Variants in ETFDH observed in about 807,000 individuals in gnomAD.
ETFDH encodes the protein electron transfer flavoprotein dehydrogenase.
ETFDH carries 61 observed loss-of-function variants against 73.2 expected under a neutral mutation model. The observed-to-expected ratio is 0.83, with a 90% confidence interval of 0.68 to 1.03. The LOEUF (loss-of-function observed/expected upper bound fraction) is 1.03. Ranked by LOEUF, ETFDH falls within the 50% of genes least tolerant of loss-of-function variation. The pLI, the probability that ETFDH is intolerant of heterozygous loss-of-function variation, is 0.00. For missense variants in ETFDH, 685 were observed against 745.0 expected (o/e 0.92, Z 0.94); for synonymous variants, 243 against 253.3 (o/e 0.96, Z 0.39).
chr4:158,706,162 C>T (rs952984483), intron 10 of ETFDH, 27 bp from the exon 11 acceptor site: 10 of 1,525,344 alleles, frequency 6.6e-6, no homozygotes, highest in Non-Finnish European at 9.1e-6. Flanking sequence ...CAGTTTCGCA[C>T]TTAACATTTC....
rs139695862 is a variant in ETFDH at position 158,697,241 on chromosome 4, T to C, written c.832-318T>C. On this transcript the variant is annotated intron_variant, in intron 7 of 12. Coordinates refer to ENST00000511912, the MANE Select transcript of ETFDH (RefSeq NM_004453.4). ...TCCTGAGTAGCTGGGATTACAGGCATCCGCCACCATGCCTAGCTAATTTTT... is the reference window on the plus strand; with the variant it reads ...TCCTGAGTAGCTGGGATTACAGGCACCCGCCACCATGCCTAGCTAATTTTT... Among the ~76,000 whole-genome samples, 670 of 152,128 alleles carry C rather than the reference T, an allele frequency of 4.4e-3. 9 individuals are homozygous for C. Among genetic ancestry groups the C allele is most frequent in the South Asian group, 0.025 (121 of 4,810 alleles).
chr4:158,708,926 C>G lies in ETFDH; in HGVS notation c.*399C>G, dbSNP rs2126322303. ...TGGCTAATTTTGAATTACAACTGTG[C>G]AGGTGAGTGGGTGTGACATTACATG... On this transcript the variant is annotated 3_prime_UTR_variant, in exon 13 of 13. Transcript: ENST00000511912. The G allele has an allele frequency of 4.6e-6, 1 of 219,662 alleles. No individual in the cohort carries two copies. Among genetic ancestry groups the G allele is most frequent in the East Asian group, 1.3e-4 (1 of 7,858 alleles). The allele number at this position is 219,662 out of a possible 1,614,324, so 13.6% of individuals were successfully genotyped here. A position where few individuals can be genotyped will look rare whatever the true frequency, so the allele number is the denominator to read the frequency against.
intron 5 of ETFDH, 132 bp from the exon 6 acceptor site, chr4:158,690,216 C>T (rs1774127197): frequency 1.5e-6 from 1 of 652,210 alleles, no homozygotes. Context: ...ATTACCTGAA[C>T]ATTTTAAACT....
At chr4:158,673,533 C>G (rs1006105220) in intron 1 of ETFDH, among the ~76,000 whole-genome samples, 1 of 152,078 alleles carries the variant, frequency 6.6e-6, no homozygotes, top group Non-Finnish European at 1.5e-5. Context: ...ATCATTAAGT[C>G]TAAATATTCC....
At chr4:158,680,274 G>A (rs1356012469) in intron 1 of ETFDH, among the ~76,000 whole-genome samples, 193 bp from the exon 2 acceptor site, 1 of 151,854 alleles carries the variant, frequency 6.6e-6, no homozygotes, top group Non-Finnish European at 1.5e-5. Flanking sequence ...GAATAAATTT[G>A]CTTATTAGTT....
At chr4:158,706,993 C>CT (rs930402337) in intron 12 of ETFDH, 143 bp downstream of exon 12, 6 of 610,634 alleles carry the variant, frequency 9.8e-6, no homozygotes, top group Non-Finnish European at 1.5e-5. Context: ...AGGAAACATA[C>CT]TTTTAACTAC....
intron 9 of ETFDH, among the ~76,000 whole-genome samples, chr4:158,700,154 T>C (rs1232842964): frequency 6.6e-6 from 1 of 152,190 alleles, no homozygotes; most frequent in African/African-American, 2.4e-5. Flanking sequence ...TTGCCTTATC[T>C]TTAAAAGTGA....
chr4:158,695,404 A>T, intron 6 of ETFDH, 93 bp from the exon 7 acceptor site: 2 of 932,324 alleles, frequency 2.1e-6, no homozygotes, highest in Admixed American at 4.0e-5. Flanking sequence ...TGTCTCTTCT[A>T]CATCTGAATC....
intron 9 of ETFDH, among the ~76,000 whole-genome samples, chr4:158,702,619 C>T (rs2126307862): frequency 6.6e-6 from 1 of 152,262 alleles, no homozygotes; most frequent in African/African-American, 2.4e-5. Context: ...CAGGCTCATC[C>T]ATGTTGTCAC....
At position 158,676,187 on chromosome 4, in the gene ETFDH, G is replaced by A. The variant is rs145526470; in HGVS notation, c.34+3697G>A. On this transcript the variant is annotated intron_variant, in intron 1 of 12. Transcript: ENST00000511912. Reference sequence around the variant, plus strand: ...ATTTTAAGGATAATTTGATGAGTAGGGGGGTCAGAAAGTGGGGAGTGCCAA... The same window carrying A: ...ATTTTAAGGATAATTTGATGAGTAGAGGGGTCAGAAAGTGGGGAGTGCCAA... 1.5e-3 allele frequency among the ~76,000 whole-genome samples: 236 copies of A among 152,270 alleles called. 4 individuals carry two copies. The highest frequency in any genetic ancestry group is 5.2e-3 in the African/African-American group (215 of 41,558).
At chr4:158,695,362 A>G (rs1338691208) in intron 6 of ETFDH, 135 bp from the exon 7 acceptor site, 3 of 602,580 alleles carry the variant, frequency 5.0e-6, no homozygotes, top group Non-Finnish European at 5.8e-6. Context: ...TATATTTACT[A>G]TGTGATTCTT....
chr4:158,692,384 AGCGAGACACCGTCT>A (rs1774190708), intron 6 of ETFDH, among the ~76,000 whole-genome samples: 2 of 135,722 alleles, frequency 1.5e-5, no homozygotes, highest in Non-Finnish European at 3.1e-5. Flanking sequence ...TGGGCTACAG[AGCGAGACACCGTCT>A]CAAAAAAAAA....
chr4:158,700,419 TC>T (rs1366768070), intron 9 of ETFDH, among the ~76,000 whole-genome samples: 3 of 152,222 alleles, frequency 2.0e-5, no homozygotes, highest in Admixed American at 2.0e-4. Flanking sequence ...CTAACCCTAC[TC>T]TAATTTATAA....
Position 158,692,371 on chromosome 4 carries a change from G to A in ETFDH, c.684+1946G>A, listed in dbSNP as rs1187007589. On this transcript the variant is annotated intron_variant, in intron 6 of 12. Coordinates refer to ENST00000511912, the MANE Select transcript of ETFDH (RefSeq NM_004453.4). Reference sequence around the variant, plus strand: ...GCCGAGATCACACCACTGCACTCCAGCCTGGGCTACAGAGCGAGACACCGT... The same window carrying A: ...GCCGAGATCACACCACTGCACTCCAACCTGGGCTACAGAGCGAGACACCGT... Among the ~76,000 whole-genome samples, 4 of 141,618 alleles carry A rather than the reference G, an allele frequency of 2.8e-5. 1 individual carries two copies. In the Admixed American group the frequency reaches 3.0e-4, roughly 11 times the overall value. The allele number at this position is 141,618 out of a possible 152,430, so 92.9% of individuals were successfully genotyped here.
chr4:158,676,057 G>C (rs1215131060), intron 1 of ETFDH, among the ~76,000 whole-genome samples: 2 of 152,178 alleles, frequency 1.3e-5, no homozygotes, highest in Admixed American at 1.3e-4. Context: ...TATCAAAACA[G>C]GAGAATTAGA....
chr4:158,708,638 A>ATGAT lies in ETFDH; in HGVS notation c.*113_*116dup. On this transcript the variant is annotated 3_prime_UTR_variant, in exon 13 of 13. Transcript: ENST00000511912. ...TATTACTGAACAGAATAGTCACAAA[A>ATGAT]TGATTATCAAATAAAAATTTTATAC... The ATGAT allele has an allele frequency of 1.1e-6, 1 of 892,364 alleles. No homozygotes were observed. The highest frequency in any genetic ancestry group is 1.5e-5 in the South Asian group (1 of 68,794). 55.3% of individuals were successfully genotyped at this position (892,364 alleles called of 1,614,324 possible). A position where few individuals can be genotyped will look rare whatever the true frequency, so the allele number is the denominator to read the frequency against.
chr4:158,685,596 T>C (rs1476600974), intron 5 of ETFDH, among the ~76,000 whole-genome samples: 1 of 152,186 alleles, frequency 6.6e-6, no homozygotes, highest in African/African-American at 2.4e-5. Context: ...CTATCTTTAC[T>C]CTGGAATTTT....
At chr4:158,693,421 G>A (rs1308700915) in intron 6 of ETFDH, among the ~76,000 whole-genome samples, 1 of 152,136 alleles carries the variant, frequency 6.6e-6, no homozygotes, top group African/African-American at 2.4e-5. Flanking sequence ...TAAGTAGTAG[G>A]GCTGGGATTT....
rs773192368 is a variant in ETFDH at position 158,685,083 on chromosome 4, T to C, written c.488-18T>C. The stretch of plus-strand genomic sequence containing the variant: ...ATCAATAAAAAGTCAGATTTATAAA[T>C]TAAGCATATATTTATAGGGCTTCCA... On this transcript the variant is annotated intron_variant, in intron 4 of 12. Coordinates refer to ENST00000511912, the MANE Select transcript of ETFDH (RefSeq NM_004453.4). The C allele has an allele frequency of 1.3e-5, 17 of 1,358,748 alleles. No homozygotes were observed. Among genetic ancestry groups the C allele is most frequent in the Non-Finnish European group, 1.4e-5 (13 of 949,482 alleles). The allele number at this position is 1,358,748 out of a possible 1,614,324, so 84.2% of individuals were successfully genotyped here.
Sources: allele counts gnomAD v4.1 joint callset (sites outside exome capture counted in the v4.1 genomes callset), GRCh38; gene constraint gnomAD v4.1.1; transcripts MANE v1.5; gene names NCBI Gene and HGNC (gene_info 2026-07-23, HGNC 2026-07-21).